NLRP13: variants seen among roughly 807,000 people sequenced by gnomAD.
NLRP13 encodes NACHT, LRR and PYD domains-containing protein 13.
NLRP13 carries 82 observed loss-of-function variants against 94.4 expected under a neutral mutation model. The observed-to-expected ratio is 0.87, with a 90% CI of 0.73 to 1.04. The LOEUF (loss-of-function observed/expected upper bound fraction) is 1.04. NLRP13 is among the 50% of genes least tolerant of loss of function. The probability of loss-of-function intolerance (pLI) is 0.00; values close to 1 mark genes in which losing one functional copy is unlikely to be tolerated. For missense variants in NLRP13, 1,426 were observed against 1,230.8 expected (o/e 1.16, Z -2.37); for synonymous variants, 553 against 464.7 (o/e 1.19, Z -2.45).
At position 55,910,645 on chromosome 19, in the gene NLRP13, T is replaced by G; in HGVS notation, c.2200A>C (p.Ser734Arg). 1 of 1,613,814 alleles carries G rather than the reference T, an allele frequency of 6.2e-7. No individual in the cohort carries two copies. The highest frequency in any genetic ancestry group is 8.5e-7 in the Non-Finnish European group (1 of 1,179,740). ...GAGGAAGCATGAAGTTTGCTGTTACTCAGGTCTAGCTCATGCAGATTCTCA... is the reference window on the plus strand; with the variant it reads ...GAGGAAGCATGAAGTTTGCTGTTACGCAGGTCTAGCTCATGCAGATTCTCA... Reference protein sequence around the residue: ...TNENLHELDLSNSKLHASSVK... With the variant: ...TNENLHELDLRNSKLHASSVK... The change falls in exon 6 of 11, where the codon AGT becomes CGT. Residue 734 changes from serine to arginine, a missense_variant. Ser to Arg is a moderately radical substitution (Grantham distance 110). Transcript: ENST00000342929.
At chr19:55,901,046 G>T (rs1386256184) in intron 9 of NLRP13, among the ~76,000 whole-genome samples, 5 of 152,202 alleles carry the variant, frequency 3.3e-5, no homozygotes, top group African/African-American at 7.2e-5. Context: ...CTGGGCTCAG[G>T]GTCTCTAATG....
intron 1 of NLRP13, among the ~76,000 whole-genome samples, chr19:55,927,547 T>G (rs184581137): frequency 1.3e-5 from 2 of 151,842 alleles, no homozygotes; most frequent in East Asian, 1.9e-4. Context: ...CACAGACATA[T>G]CCTTGGGTGG....
Position 55,912,817 on chromosome 19 carries a change from C to T in NLRP13, c.1000G>A (p.Asp334Asn). ...ESLDDGSPCTDWYQELPVTKI... is the reference protein window; with the variant it reads ...ESLDDGSPCTNWYQELPVTKI... ...GTCACTGGGAGCTCCTGGTACCAGT[C>T]TGTACATGGCGAGCCATCATCCAAG... Residue 334 changes from aspartate to asparagine, a missense_variant, in exon 5 of 11, where the codon GAC (aspartate) becomes AAC (asparagine). By Grantham distance (23) the Asp-to-Asn change is conservative (BLOSUM62 1). Coordinates refer to ENST00000342929, the MANE Select transcript of NLRP13 (RefSeq NM_176810.2). 6.2e-7 allele frequency: 1 copy of T among 1,614,160 alleles called. No individual in the cohort carries two copies. The highest frequency in any genetic ancestry group is 8.5e-7 in the Non-Finnish European group (1 of 1,180,026).
downstream of NLRP13, chr19:55,891,962 A>G (rs796927279): frequency 2.0e-5 from 10 of 506,022 alleles, no homozygotes; most frequent in African/African-American, 2.0e-4. Flanking sequence ...CTTTCCCCCA[A>G]GATCCATGGT....
At chr19:55,893,505 G>C (rs1985913484), downstream of NLRP13, among the ~76,000 whole-genome samples, 1 of 152,108 alleles carries the variant, frequency 6.6e-6, no homozygotes, top group African/African-American at 2.4e-5. Context: ...GGTAACTTTT[G>C]TTTACCCTTC....
chr19:55,903,780 C>T (rs540706294), intron 8 of NLRP13, among the ~76,000 whole-genome samples: 4 of 152,206 alleles, frequency 2.6e-5, no homozygotes, highest in South Asian at 4.2e-4. Context: ...CTCTACCTTC[C>T]GATCTATCCT....
chr19:55,901,693 T>G (rs1986180602), intron 9 of NLRP13, among the ~76,000 whole-genome samples: 1 of 152,192 alleles, frequency 6.6e-6, no homozygotes, highest in Admixed American at 6.5e-5. Context: ...AGCTTATGTC[T>G]GGTTTCCTCT....
In NLRP13 at chr19:55,916,464, A is replaced by G. The variant is rs530014293; in HGVS notation, c.524-3171T>C. On this transcript the variant is annotated intron_variant, in intron 4 of 10. Coordinates refer to ENST00000342929, the MANE Select transcript of NLRP13 (RefSeq NM_176810.2). ...CCAAGAGAAATCATAAAACCTGTACAAAGAAATCAGAAAATAAATTCAGGA... is the reference window on the plus strand; with the variant it reads ...CCAAGAGAAATCATAAAACCTGTACGAAGAAATCAGAAAATAAATTCAGGA... 5.9e-5 allele frequency among the ~76,000 whole-genome samples: 9 copies of G among 152,340 alleles called. No individual in the cohort carries two copies. In the East Asian group the frequency reaches 1.7e-3, roughly 29 times the overall value.
At chr19:55,908,087 A>T in intron 6 of NLRP13, 131 bp from the exon 7 acceptor site, 1 of 771,792 alleles carries the variant, frequency 1.3e-6, no homozygotes, top group Non-Finnish European at 2.0e-6. Flanking sequence ...GGAATTAAAA[A>T]CAAGGGCTGA....
At chr19:55,898,610 G>T (rs1272732202) in intron 10 of NLRP13, among the ~76,000 whole-genome samples, 160 bp downstream of exon 10, 3 of 152,206 alleles carry the variant, frequency 2.0e-5, no homozygotes, top group Admixed American at 2.0e-4. Context: ...CTCCCAAAGT[G>T]CTGGGGTTAC....
At chr19:55,917,610 G>T (rs1390525269) in intron 4 of NLRP13, among the ~76,000 whole-genome samples, 3 of 151,694 alleles carry the variant, frequency 2.0e-5, no homozygotes, top group African/African-American at 7.3e-5. Context: ...TTCACAAAAA[G>T]CAAACTGGAG....
rs76565431 is a variant in NLRP13, at chr19:55,932,235, T to C, written c.77A>G (p.Gln26Arg). 821 of 1,613,354 alleles carry C rather than the reference T, an allele frequency of 5.1e-4. 12 individuals are homozygous for C. In the East Asian group the frequency reaches 0.011, roughly 22 times the overall value. Reference sequence around the variant, plus strand: ...AAGCTTGAATTCCTCCAGCTGATACTGATCCAGGGCCATCAGGTAAGGCAG... The same window carrying C: ...AAGCTTGAATTCCTCCAGCTGATACCGATCCAGGGCCATCAGGTAAGGCAG... ...GLLPYLMALD[Q>R]YQLEEFKLCL... Residue 26 changes from glutamine (Q) to arginine (R), a missense_variant, in exon 1 of 11, where the codon CAG becomes CGG. Transcript: ENST00000342929.
downstream of NLRP13, among the ~76,000 whole-genome samples, chr19:55,895,334 T>C (rs1303778818): frequency 1.3e-5 from 2 of 152,000 alleles, no homozygotes; most frequent in Non-Finnish European, 2.9e-5. Context: ...TGAACTGAGA[T>C]TGCGCCACTG....
chr19:55,908,762 T>C (rs1238183077), intron 6 of NLRP13, among the ~76,000 whole-genome samples: 1 of 152,104 alleles, frequency 6.6e-6, no homozygotes, highest in African/African-American at 2.4e-5. Flanking sequence ...CTGGGGCCTG[T>C]TGGAAGGTGA....
chr19:55,929,846 A>G (rs1203531283), intron 1 of NLRP13, among the ~76,000 whole-genome samples: 2 of 152,376 alleles, frequency 1.3e-5, no homozygotes, highest in East Asian at 1.9e-4. Context: ...AGCATGCAAT[A>G]GAGAAATCAA....
At chr19:55,915,133 G>A (rs565703466) in intron 4 of NLRP13, among the ~76,000 whole-genome samples, 1 of 152,188 alleles carries the variant, frequency 6.6e-6, no homozygotes, top group Non-Finnish European at 1.5e-5. Context: ...GTGATGTACT[G>A]CATAGCAATG....
Position 55,924,951 on chromosome 19 carries a change from A to T in NLRP13, c.388+16T>A, listed in dbSNP as rs768686774. 3 of 1,609,660 alleles carry T rather than the reference A, an allele frequency of 1.9e-6. No individual in the cohort carries two copies. The highest frequency in any genetic ancestry group is 2.2e-5 in the South Asian group (2 of 90,998). The stretch of plus-strand genomic sequence containing the variant: ...CAAGCAACCTGTCCATTATCAACTT[A>T]AAGTAGTGTACACACCTGCTGCTGC... On this transcript the variant is annotated intron_variant, in intron 2 of 10. Transcript: ENST00000342929.
At chr19:55,918,362 C>T (rs1248265248) in intron 4 of NLRP13, among the ~76,000 whole-genome samples, 2 of 150,696 alleles carry the variant, frequency 1.3e-5, no homozygotes, top group African/African-American at 4.9e-5. Context: ...CAAATCAAAC[C>T]CAAAGCTAGA....
At chr19:55,907,616 A>G (rs1986391345) in intron 7 of NLRP13, among the ~76,000 whole-genome samples, 176 bp downstream of exon 7, 1 of 152,152 alleles carries the variant, frequency 6.6e-6, no homozygotes, top group Non-Finnish European at 1.5e-5. Flanking sequence ...AGGTGAGGCT[A>G]ATATACATTA....
Sources: gnomAD v4.1 joint callset for allele counts (sites outside exome capture counted in the v4.1 genomes callset) on GRCh38, gnomAD v4.1.1 for gene constraint, MANE v1.5 for transcripts, NCBI Gene and HGNC (gene_info 2026-07-23, HGNC 2026-07-21) for gene names.